The following PIWIL1 variants were observed in gnomAD, a reference collection of about 807,000 sequenced individuals.
The protein encoded by PIWIL1 is piwi like RNA-mediated gene silencing 1, also known as piwi-like protein 1.
PIWIL1 carries 73 observed loss-of-function variants against 114.4 expected under a neutral mutation model. The observed-to-expected ratio is 0.64, with a 90% CI of 0.53 to 0.78. The LOEUF is 0.78. PIWIL1 is among the 30% of genes least tolerant of loss of function. The probability of loss-of-function intolerance (pLI) is 0.00; values close to 1 mark genes in which losing one functional copy is unlikely to be tolerated. For synonymous variants in PIWIL1, 375 were observed against 369.0 expected (o/e 1.02, Z -0.19); for missense variants, 723 against 1,063.1 (o/e 0.68, Z 4.45).
At chr12:130,413,534 G>A in the PIWIL1 span, among the ~76,000 whole-genome samples, 2 of 151,608 alleles carry the variant, frequency 1.3e-5, no homozygotes, top group African/African-American at 2.4e-5. Context: ...TCGGGAGGCT[G>A]AGGCAGGAGA....
At chr12:130,410,079 C>A in the PIWIL1 span, among the ~76,000 whole-genome samples, 1 of 152,230 alleles carries the variant, frequency 6.6e-6, no homozygotes, top group Non-Finnish European at 1.5e-5. Flanking sequence ...TTAATCTTAG[C>A]CATTCTCAGT....
At chr12:130,399,730 A>C in the PIWIL1 span, 1 of 1,614,220 alleles carries the variant, frequency 6.2e-7, no homozygotes, top group Non-Finnish European at 8.5e-7. Context: ...GGGATGGAGC[A>C]TCAGAAAGAT....
downstream of PIWIL1, among the ~76,000 whole-genome samples, chr12:130,376,962 G>A (rs146023444): frequency 5.5e-4 from 83 of 152,226 alleles, no homozygotes; most frequent in African/African-American, 1.9e-3. Context: ...TGCTGTGCTC[G>A]GAGCCCAAGT....
At chr12:130,396,233 TAATA>T in the PIWIL1 span, 2 of 152,778 alleles carry the variant, frequency 1.3e-5, no homozygotes, top group East Asian at 3.8e-4. Flanking sequence ...TTTCCTTTAA[TAATA>T]AATCTACCAC....
the PIWIL1 span, chr12:130,414,101 C>G: frequency 6.2e-7 from 1 of 1,613,144 alleles, no homozygotes; most frequent in Non-Finnish European, 8.5e-7. Context: ...CTGATGAAGC[C>G]GCCCGCAGGC....
downstream of PIWIL1, among the ~76,000 whole-genome samples, chr12:130,374,663 C>T (rs1057089310): frequency 5.3e-5 from 8 of 152,298 alleles, no homozygotes; most frequent in Non-Finnish European, 1.0e-4. Context: ...GCTCTGCCCT[C>T]GTCCATCGCA....
chr12:130,346,652 C>T (rs78765331), intron 5 of PIWIL1, 68 bp downstream of exon 5: 81 of 1,324,164 alleles, frequency 6.1e-5, no homozygotes, highest in Non-Finnish European at 8.2e-5. Flanking sequence ...TAAGATAGCT[C>T]ACATGGCTTT....
chr12:130,343,377 A>C (rs1326488473), intron 3 of PIWIL1, among the ~76,000 whole-genome samples: 1 of 152,236 alleles, frequency 6.6e-6, no homozygotes, highest in Non-Finnish European at 1.5e-5. Context: ...GTAACAAGGT[A>C]GTGTCTACCT....
At position 130,356,976 on chromosome 12, in the gene PIWIL1, T is replaced by A; in HGVS notation, c.1463T>A (p.Ile488Asn). 1 of 1,613,610 alleles carries A rather than the reference T, an allele frequency of 6.2e-7. No individual in the cohort carries two copies. The highest frequency in any genetic ancestry group is 8.5e-7 in the Non-Finnish European group (1 of 1,179,712). Residue 488 changes from isoleucine (I) to asparagine (N), a missense_variant, in exon 13 of 21, where the codon ATT (isoleucine) becomes AAT (asparagine). By Grantham distance (149) the Ile-to-Asn change is moderately radical. This residue lies in a region of PIWIL1 where 298 missense variants were observed against 420.8 expected (regional missense o/e 0.71). Transcript: ENST00000245255. ...AAAGAAACAAGAGGTGCACCATTAA[T>A]TAGTGTTAAGCCACTAGATAACTGG... ...WSKETRGAPL[I>N]SVKPLDNWLL...
chr12:130,370,820 G>T (rs961934230), intron 19 of PIWIL1, among the ~76,000 whole-genome samples: 11 of 152,208 alleles, frequency 7.2e-5, no homozygotes, highest in Admixed American at 3.3e-4. Context: ...CGTGCTTCCA[G>T]AGTCTGAAGG....
chr12:130,420,373 T>C, the PIWIL1 span, among the ~76,000 whole-genome samples: 1 of 152,222 alleles, frequency 6.6e-6, no homozygotes, highest in Non-Finnish European at 1.5e-5. This position sits in a 1 kb window ranked among gnomAD's most constrained non-coding sequence, Gnocchi z 4.3. Context: ...AACTCTTTTC[T>C]GAGTTATGTT....
chr12:130,350,185 CTT>C (rs1307267538), intron 9 of PIWIL1, among the ~76,000 whole-genome samples: 6 of 152,238 alleles, frequency 3.9e-5, no homozygotes, highest in Admixed American at 3.3e-4. Context: ...TCCTGGTTCC[CTT>C]TTTCCAGTAG....
At chr12:130,347,224 C>A (rs138065144) in intron 6 of PIWIL1, among the ~76,000 whole-genome samples, 162 bp downstream of exon 6, 31 of 152,292 alleles carry the variant, frequency 2.0e-4, no homozygotes, top group African/African-American at 6.7e-4. Flanking sequence ...ATAGAAAATT[C>A]ATCTATTTGC....
downstream of PIWIL1, among the ~76,000 whole-genome samples, chr12:130,375,188 T>C (rs1399776713): frequency 6.6e-6 from 1 of 152,196 alleles, no homozygotes; most frequent in African/African-American, 2.4e-5. Flanking sequence ...GTGCTTTCCT[T>C]CTAATTCTTG....
chr12:130,376,579 A>G (rs2073868385), downstream of PIWIL1, among the ~76,000 whole-genome samples: 1 of 152,228 alleles, frequency 6.6e-6, no homozygotes, highest in South Asian at 2.1e-4. Flanking sequence ...TCCGTAAATC[A>G]GGACTTCATC....
Position 130,371,276 on chromosome 12 carries a change from A to C in PIWIL1, c.2422A>C (p.Ile808Leu). The C allele has an allele frequency of 6.2e-7, 1 of 1,614,248 alleles. No homozygotes were observed. The highest frequency in any genetic ancestry group is 8.5e-7 in the Non-Finnish European group (1 of 1,180,042). The change falls in exon 20 of 21, where the codon ATA (isoleucine) becomes CTA (leucine). Residue 808 changes from isoleucine to leucine, a missense_variant. This residue lies in a region of PIWIL1 where 106 missense variants were observed against 182.8 expected (regional missense o/e 0.58). Coordinates refer to ENST00000245255, the MANE Select transcript of PIWIL1 (RefSeq NM_004764.5). ...CAACAGCGGCCTGAAGCCAGACCAC[A>C]TACAGCGCTTGACCTACAAGCTGTG... The part of the protein sequence containing the change: ...YDNSGLKPDH[I>L]QRLTYKLCHI...
the PIWIL1 span, among the ~76,000 whole-genome samples, chr12:130,421,323 G>A: frequency 6.6e-6 from 1 of 152,188 alleles, no homozygotes; most frequent in Non-Finnish European, 1.5e-5. Flanking sequence ...TTATTACTCA[G>A]TTAACTGAAA....
Position 130,371,604 on chromosome 12 carries a change from A to G in PIWIL1, c.*6A>G, listed in dbSNP as rs1386257130. ...ACCGCCTTTACTACCTCTAACCTGC[A>G]GAAGACGATGCAGCCGCTTTTCTTT... On this transcript the variant is annotated 3_prime_UTR_variant, in exon 21 of 21. Transcript: ENST00000245255. The G allele has an allele frequency of 6.5e-7, 1 of 1,527,432 alleles. No homozygotes were observed. The highest frequency in any genetic ancestry group is 1.7e-4 in the Middle Eastern group (1 of 5,870). 94.6% of individuals were successfully genotyped at this position (1,527,432 alleles called of 1,614,324 possible).
At chr12:130,408,580 G>A in the PIWIL1 span, among the ~76,000 whole-genome samples, 1 of 152,162 alleles carries the variant, frequency 6.6e-6, no homozygotes, top group Non-Finnish European at 1.5e-5. Flanking sequence ...TCTGCCCAGC[G>A]TGAGCGCTCC....
Sources: gnomAD v4.1 joint callset for allele counts (sites outside exome capture counted in the v4.1 genomes callset) on GRCh38, gnomAD v4.1.1 for gene constraint, gnomAD v4.1.1 regional missense constraint, Gnocchi (gnomAD v3.1) non-coding constraint, MANE v1.5 for transcripts, NCBI Gene and HGNC (gene_info 2026-07-23, HGNC 2026-07-21) for gene names.